The following JMJD6 variants were observed in gnomAD, a reference collection of about 807,000 sequenced individuals.
JMJD6 encodes bifunctional arginine demethylase and lysyl-hydroxylase JMJD6.
A neutral mutation model predicts 45.8 loss-of-function variants in JMJD6; 17 were observed. The ratio of observed to expected loss-of-function variants is 0.37; its 90% CI spans 0.25 to 0.56. The LOEUF is 0.56. JMJD6 is among the 20% of genes least tolerant of loss of function. JMJD6 has a pLI of 0.79. For missense variants in JMJD6, 470 were observed against 517.5 expected (o/e 0.91, Z 0.89); for synonymous variants, 221 against 196.3 (o/e 1.13, Z -1.05).
downstream of JMJD6, among the ~76,000 whole-genome samples, chr17:76,718,190 A>G (rs1344238831): frequency 6.6e-6 from 1 of 151,364 alleles, no homozygotes; most frequent in Non-Finnish European, 1.5e-5. Flanking sequence ...AAGATTTGAC[A>G]AATCAGAGTT....
At chr17:76,725,885 T>TA (rs376352692) in intron 1 of JMJD6, 30 bp from the exon 2 acceptor site, 90,604 of 1,308,110 alleles carry the variant, frequency 0.069, 2 homozygotes, top group Non-Finnish European at 0.076. Flanking sequence ...CCTGTCCAGT[T>TA]AAAAAAAAAA....
At chr17:76,718,156 G>A (rs1262961278), downstream of JMJD6, among the ~76,000 whole-genome samples, 1 of 66,776 alleles carries the variant, frequency 1.5e-5, no homozygotes, top group Non-Finnish European at 2.9e-5. Context: ...GCGAGACCCT[G>A]TCTCAAAAAA....
chr17:76,725,630 C>A lies in JMJD6; in HGVS notation c.355G>T (p.Glu119Ter). ...SVKMKMKYYI[E>*]YMESTRDDSP... Reference sequence around the variant, plus strand: ...TCATCTCGAGTGCTCTCCATGTACTCGATGTAGTATTTCATCTTCATCTTC... The same window carrying A: ...TCATCTCGAGTGCTCTCCATGTACTAGATGTAGTATTTCATCTTCATCTTC... Residue 119 changes from glutamate to a stop codon, truncating the protein, a stop_gained, in exon 2 of 6, where the codon GAG (glutamate) becomes TAG (stop). Coordinates refer to ENST00000397625, the MANE Select transcript of JMJD6 (RefSeq NM_015167.3). LOFTEE classifies it high-confidence loss of function. 8 of 1,613,964 alleles carry A rather than the reference C, an allele frequency of 5.0e-6. No homozygotes were observed. The highest frequency in any genetic ancestry group is 6.8e-6 in the Non-Finnish European group (8 of 1,179,978).
At position 76,725,866 on chromosome 17, in the gene JMJD6, T is replaced by TA; in HGVS notation, c.130-12dup. On this transcript the variant is annotated splice_polypyrimidine_tract_variant and intron_variant, in intron 1 of 5. Coordinates refer to ENST00000397625, the MANE Select transcript of JMJD6 (RefSeq NM_015167.3). ...CCTTTCCACGTTATCCTGAGGGAAT[T>TA]AAAAAAGACCTGTCCAGTTAAAAAA... is the stretch of plus-strand genomic sequence containing the variant. 1.3e-6 allele frequency: 2 copies of TA among 1,574,544 alleles called. No individual in the cohort carries two copies. The highest frequency in any genetic ancestry group is 1.4e-5 in the African/African-American group (1 of 71,726).
At chr17:76,720,756 C>T (rs1040604242) in intron 4 of JMJD6, 9 of 356,236 alleles carry the variant, frequency 2.5e-5, no homozygotes, top group Non-Finnish European at 4.2e-5. Context: ...ATGAGCCAGC[C>T]GTGCCACCAA....
intron 3 of JMJD6, among the ~76,000 whole-genome samples, chr17:76,722,794 T>C (rs1441005130): frequency 1.0e-4 from 13 of 126,168 alleles, no homozygotes; most frequent in Admixed American, 2.2e-4. Context: ...TGTAGTGGGC[T>C]GAGATTGTGC....
chr17:76,724,373 G>A (rs938369373), intron 2 of JMJD6, among the ~76,000 whole-genome samples: 1 of 151,438 alleles, frequency 6.6e-6, no homozygotes, highest in Admixed American at 6.6e-5. Context: ...CACCTGCCTC[G>A]GCCTCCCAAA....
At chr17:76,720,210 G>A in intron 5 of JMJD6, 150 bp downstream of exon 5, 1 of 686,934 alleles carries the variant, frequency 1.5e-6, no homozygotes, top group Non-Finnish European at 2.5e-6. Flanking sequence ...CCACTCAGCA[G>A]GAATGGTGAC....
chr17:76,718,963 T>G (rs962012798), intron 5 of JMJD6, 103 bp from the exon 6 acceptor site: 8 of 1,131,256 alleles, frequency 7.1e-6, no homozygotes, highest in Non-Finnish European at 8.8e-6. Context: ...ATTGGTCACT[T>G]TCTCCCAAAT....
intron 4 of JMJD6, 93 bp downstream of exon 4, chr17:76,721,705 G>A (rs1001727432): frequency 1.2e-5 from 16 of 1,377,506 alleles, no homozygotes; most frequent in African/African-American, 4.3e-5. Flanking sequence ...GCCTGTGTAC[G>A]ATCAGCACAC....
chr17:76,725,180 G>C (rs1354854355), intron 2 of JMJD6, among the ~76,000 whole-genome samples: 1 of 152,104 alleles, frequency 6.6e-6, no homozygotes, highest in Non-Finnish European at 1.5e-5. Context: ...AGGCCGAGGC[G>C]GGCAGATCAC....
Position 76,726,507 on chromosome 17 carries a change from C to T in JMJD6, c.-32G>A. 6.3e-7 allele frequency: 1 copy of T among 1,576,682 alleles called. No homozygotes were observed. The highest frequency in any genetic ancestry group is 8.6e-7 in the Non-Finnish European group (1 of 1,162,714). ...GGGTCGCCAGCTGGTTCCGCTACGA[C>T]CTCGGCGCAGCCCGCTTCCTGACAC... On this transcript the variant is annotated 5_prime_UTR_variant, in exon 1 of 6. Transcript: ENST00000397625.
rs1325729174 is a variant in JMJD6, at chr17:76,725,335, G to C, written c.518+132C>G. 16 of 827,716 alleles carry C rather than the reference G, an allele frequency of 1.9e-5. No homozygotes were observed. The East Asian group carries it at 2.0e-4, about 10-fold the overall frequency. The allele number at this position is 827,716 out of a possible 1,614,324, so 51.3% of individuals were successfully genotyped here. On this transcript the variant is annotated intron_variant, in intron 2 of 5. Coordinates refer to ENST00000397625, the MANE Select transcript of JMJD6 (RefSeq NM_015167.3). ...GCAGGAGAAGCGCTTGAACTCGGGA[G>C]ATGGAGGTTGCTGTGAGCCGAGATC...
At chr17:76,717,380 C>T (rs1250274564), downstream of JMJD6, among the ~76,000 whole-genome samples, 2 of 152,152 alleles carry the variant, frequency 1.3e-5, no homozygotes, top group Non-Finnish European at 2.9e-5. Flanking sequence ...TTCCAACAAC[C>T]TCTCTTAACA....
chr17:76,715,144 G>A (rs2076755210), downstream of JMJD6: 1 of 152,220 alleles, frequency 6.6e-6, no homozygotes, highest in South Asian at 2.1e-4. Flanking sequence ...CAGGAGCAAT[G>A]CTGGGAAAAA....
chr17:76,714,701 C>A (rs2240773), downstream of JMJD6: 18,169 of 152,250 alleles, frequency 0.12, 1,463 homozygotes, highest in African/African-American at 0.22. Flanking sequence ...CTATCCAGAG[C>A]TGACTTGGGC....
chr17:76,721,145 G>T (rs769198275), intron 4 of JMJD6: 1 of 222,272 alleles, frequency 4.5e-6, no homozygotes, highest in Admixed American at 4.3e-5. Context: ...AGTGGCCTAC[G>T]GGGCGGGGTA....
At chr17:76,718,409 A>G (rs955846524), downstream of JMJD6, 5 of 1,256,788 alleles carry the variant, frequency 4.0e-6, no homozygotes, top group East Asian at 3.1e-5. Flanking sequence ...GAAGAGCAAT[A>G]AGGGAATGTT....
At chr17:76,719,200 A>G (rs1188020713) in intron 5 of JMJD6, among the ~76,000 whole-genome samples, 1 of 152,266 alleles carries the variant, frequency 6.6e-6, no homozygotes. Context: ...AGCTTGATAT[A>G]TGAAAGAAGT....
Sources: allele counts gnomAD v4.1 joint callset (sites outside exome capture counted in the v4.1 genomes callset), GRCh38; gene constraint gnomAD v4.1.1; transcripts MANE v1.5; gene names NCBI Gene and HGNC (gene_info 2026-07-23, HGNC 2026-07-21).